Variants in MIR2052HG observed in about 807,000 individuals in gnomAD.
MIR2052HG encodes MIR2052 host gene.
intron 2 of MIR2052HG, among the ~76,000 whole-genome samples, chr8:74,640,467 C>CAAAAAAA (rs35779504): frequency 2.4e-5 from 2 of 83,588 alleles, no homozygotes; most frequent in African/African-American, 4.8e-5. Context: ...GACTCCGTCT[C>CAAAAAAA]AAAAAAAAAA....
At chr8:74,630,896 G>T (rs1207427743) in intron 2 of MIR2052HG, among the ~76,000 whole-genome samples, 2 of 152,166 alleles carry the variant, frequency 1.3e-5, no homozygotes, top group African/African-American at 4.8e-5. Flanking sequence ...TTGTAAAAAT[G>T]AGGAAACGAG....
At chr8:74,647,687 G>T (rs1265649367) in intron 2 of MIR2052HG, among the ~76,000 whole-genome samples, 1 of 152,188 alleles carries the variant, frequency 6.6e-6, no homozygotes, top group African/African-American at 2.4e-5. Context: ...GTTGCGGGAA[G>T]TCAGGGACCC....
chr8:74,662,889 T>C (rs149098091), intron 2 of MIR2052HG, among the ~76,000 whole-genome samples: 86 of 148,320 alleles, frequency 5.8e-4, no homozygotes, highest in African/African-American at 2.0e-3. Flanking sequence ...TGTGTGTGTG[T>C]GTGTGGTATA....
At chr8:74,650,437 T>C (rs1808740061) in intron 2 of MIR2052HG, among the ~76,000 whole-genome samples, 1 of 152,194 alleles carries the variant, frequency 6.6e-6, no homozygotes, top group Admixed American at 6.6e-5. Context: ...TATCCATTCA[T>C]TAGTTGATGT....
chr8:74,669,615 T>C (rs919888898), intron 2 of MIR2052HG, among the ~76,000 whole-genome samples: 18 of 152,180 alleles, frequency 1.2e-4, no homozygotes, highest in African/African-American at 3.6e-4. Context: ...TCATGATCCA[T>C]TGATAGGCTC....
intron 1 of MIR2052HG, among the ~76,000 whole-genome samples, chr8:74,602,831 TTC>T (rs1239592740): frequency 7.5e-6 from 1 of 133,672 alleles, no homozygotes; most frequent in African/African-American, 2.9e-5. Context: ...CTTTCTTTCT[TTC>T]TTTCTTTCTT....
At chr8:74,610,281 G>A (rs1273348581) in intron 1 of MIR2052HG, among the ~76,000 whole-genome samples, 1 of 151,816 alleles carries the variant, frequency 6.6e-6, no homozygotes, top group Non-Finnish European at 1.5e-5. Flanking sequence ...ATATACAATA[G>A]TGTTCTTACT....
At chr8:74,714,432 G>C (rs1352302494) in intron 4 of MIR2052HG, among the ~76,000 whole-genome samples, 2 of 152,132 alleles carry the variant, frequency 1.3e-5, no homozygotes, top group African/African-American at 4.8e-5. Context: ...TATAGCATAA[G>C]TTCATAAAGT....
chr8:74,621,386 C>T (rs1283910134), intron 2 of MIR2052HG, among the ~76,000 whole-genome samples: 2 of 152,146 alleles, frequency 1.3e-5, no homozygotes, highest in African/African-American at 2.4e-5. Flanking sequence ...CTATATTAGT[C>T]TGTTCTCACA....
rs546709312 is a variant in MIR2052HG, at chr8:74,714,321, C to T, written n.371+10639C>T. ...AATCAGAAATTATATTTGCCAAATG[C>T]TAATCTGTTGTAAAATTAATAGCAA... On this transcript the variant is annotated intron_variant and non_coding_transcript_variant, in intron 4 of 6. Coordinates refer to ENST00000523442, the Ensembl canonical transcript of MIR2052HG. 3.9e-5 allele frequency among the ~76,000 whole-genome samples: 6 copies of T among 152,230 alleles called. No homozygotes were observed. In the South Asian group the frequency reaches 1.2e-3, roughly 32 times the overall value.
intron 4 of MIR2052HG, among the ~76,000 whole-genome samples, chr8:74,738,607 T>A (rs1809795079): frequency 6.6e-6 from 1 of 152,238 alleles, no homozygotes; most frequent in African/African-American, 2.4e-5. Context: ...TTATCTACTA[T>A]GTTCTCATAA....
intron 2 of MIR2052HG, among the ~76,000 whole-genome samples, chr8:74,642,778 T>C (rs1162889111): frequency 6.6e-6 from 1 of 152,150 alleles, no homozygotes; most frequent in African/African-American, 2.4e-5. Context: ...GTCTCTGAAA[T>C]TGTACAGGTT....
chr8:74,612,821 C>G (rs769346299), intron 1 of MIR2052HG: 2 of 452,108 alleles, frequency 4.4e-6, no homozygotes, highest in African/African-American at 2.0e-5. Context: ...TAATCTAATA[C>G]GTATCTATTA....
At chr8:74,647,990 T>C (rs1205136511) in intron 2 of MIR2052HG, among the ~76,000 whole-genome samples, 2 of 152,118 alleles carry the variant, frequency 1.3e-5, no homozygotes, top group Non-Finnish European at 2.9e-5. Flanking sequence ...AAAATATGTG[T>C]GTTTGAACAA....
At chr8:74,754,719 G>A (rs956123315) in intron 5 of MIR2052HG, among the ~76,000 whole-genome samples, 4 of 152,118 alleles carry the variant, frequency 2.6e-5, no homozygotes, top group African/African-American at 7.2e-5. Flanking sequence ...AAAGTTAGAC[G>A]CAAGGGGAAA....
intron 4 of MIR2052HG, among the ~76,000 whole-genome samples, chr8:74,727,672 A>G (rs1809650907): frequency 3.9e-5 from 6 of 152,186 alleles, no homozygotes; most frequent in Admixed American, 3.9e-4. Context: ...TTTCTAGTTT[A>G]GCAGTTATTA....
chr8:74,757,189 C>G (rs1810013710), intron 5 of MIR2052HG: 1 of 152,006 alleles, frequency 6.6e-6, no homozygotes, highest in Non-Finnish European at 1.5e-5. Context: ...TTAATAACAC[C>G]CTCCTCTTCT....
intron 2 of MIR2052HG, among the ~76,000 whole-genome samples, chr8:74,678,012 A>G (rs1187049300): frequency 1.3e-5 from 2 of 152,202 alleles, no homozygotes; most frequent in African/African-American, 4.8e-5. Flanking sequence ...AAATTTATAG[A>G]AAATGTTTGA....
chr8:74,604,642 G>T (rs1808084889), intron 1 of MIR2052HG, among the ~76,000 whole-genome samples: 1 of 135,728 alleles, frequency 7.4e-6, no homozygotes, highest in Non-Finnish European at 1.5e-5. Flanking sequence ...TGCCCAGGCT[G>T]GAGTGCAATG....
Sources: gnomAD v4.1 joint callset for allele counts (sites outside exome capture counted in the v4.1 genomes callset) on GRCh38, gnomAD v4.1.1 for gene constraint, MANE v1.5 for transcripts, NCBI Gene and HGNC (gene_info 2026-07-23, HGNC 2026-07-21) for gene names.